The following ABCC2 variants were observed in gnomAD, a reference collection of about 807,000 sequenced individuals.
ABCC2 encodes ATP-binding cassette sub-family C member 2.
ABCC2 carries 157 observed loss-of-function variants against 173.4 expected under a neutral mutation model. The ratio of observed to expected loss-of-function variants is 0.91; its 90% confidence interval spans 0.80 to 1.03. The LOEUF (loss-of-function observed/expected upper bound fraction) is 1.03. Ranked by LOEUF, ABCC2 falls within the 50% of genes least tolerant of loss-of-function variation. The probability of loss-of-function intolerance (pLI) is 0.00; values close to 1 mark genes in which losing one functional copy is unlikely to be tolerated. For missense variants in ABCC2, 1,822 were observed against 1,852.3 expected, an observed-to-expected ratio of 0.98 and a Z score of 0.30; for synonymous variants, 657 against 693.5, an observed-to-expected ratio of 0.95 and a Z score of 0.83.
rs115807389 is a variant in ABCC2 at position 99,796,626 on chromosome 10, G to A, written c.633-471G>A. Among the ~76,000 whole-genome samples, 226 of 151,938 alleles carry A rather than the reference G, an allele frequency of 1.5e-3. 1 individual carries two copies. The highest frequency in any genetic ancestry group is 5.3e-3 in the African/African-American group (218 of 41,446). On this transcript the variant is annotated intron_variant, in intron 6 of 31. Transcript: ENST00000647814. Reference sequence around the variant, plus strand: ...TTTGAAGCCGGGAGATGGAGGTTGCGGTGAGCCAAGATTGCGCTACTGCAC... The same window carrying A: ...TTTGAAGCCGGGAGATGGAGGTTGCAGTGAGCCAAGATTGCGCTACTGCAC...
intron 4 of ABCC2, 50 bp downstream of exon 4, chr10:99,793,735 C>G (rs778901176): frequency 6.2e-7 from 1 of 1,611,944 alleles, no homozygotes; most frequent in Non-Finnish European, 8.5e-7. Flanking sequence ...GGGGCAACCT[C>G]TAACTCATAG....
chr10:99,796,695 CA>C (rs2037918376), intron 6 of ABCC2, among the ~76,000 whole-genome samples: 1 of 151,696 alleles, frequency 6.6e-6, no homozygotes, highest in Non-Finnish European at 1.5e-5. Context: ...AAAAAAAACA[CA>C]AAAAACAAAC....
intron 8 of ABCC2, 79 bp downstream of exon 8, chr10:99,799,449 A>G: frequency 6.6e-7 from 1 of 1,508,984 alleles, no homozygotes; most frequent in Non-Finnish European, 9.2e-7. Flanking sequence ...TGCAAGCAGG[A>G]GCTTTTCTTA....
chr10:99,818,671 A>G lies in ABCC2; in HGVS notation c.2272-119A>G, dbSNP rs1042296814. The G allele has an allele frequency of 3.9e-6, 4 of 1,020,220 alleles. No homozygotes were observed. The Admixed American group carries it at 9.3e-5, about 24-fold the overall frequency. 63.2% of individuals were successfully genotyped at this position (1,020,220 alleles called of 1,614,324 possible). On this transcript the variant is annotated intron_variant, in intron 17 of 31. Transcript: ENST00000647814. Reference sequence around the variant, plus strand: ...CTTTATTTGTATAAAGGAACTTGTAAGATTTTTAACCCCTTGACACCTTAT... The same window carrying G: ...CTTTATTTGTATAAAGGAACTTGTAGGATTTTTAACCCCTTGACACCTTAT...
At chr10:99,791,322 C>A (rs2037808678) in intron 2 of ABCC2, among the ~76,000 whole-genome samples, 1 of 152,140 alleles carries the variant, frequency 6.6e-6, no homozygotes, top group Non-Finnish European at 1.5e-5. Flanking sequence ...GCAGGAGAAT[C>A]ACTTGAACCC....
rs2038984221 is a variant in ABCC2 at position 99,844,233 on chromosome 10, T to TCTC, written c.3844-86_3844-84dup. ...TAGGTAGCTGGGACACTGCTACCCT[T>TCTC]CTCCTGTTCTATGACACGAGTCCTG... On this transcript the variant is annotated intron_variant, in intron 27 of 31. Transcript: ENST00000647814. 5 of 1,526,300 alleles carry TCTC rather than the reference T, an allele frequency of 3.3e-6. No individual in the cohort carries two copies. The Admixed American group carries it at 5.0e-5, about 15-fold the overall frequency. The allele number at this position is 1,526,300 out of a possible 1,614,324, so 94.5% of individuals were successfully genotyped here.
intron 7 of ABCC2, among the ~76,000 whole-genome samples, chr10:99,798,429 GC>G (rs1158191068): frequency 6.6e-6 from 1 of 152,102 alleles, no homozygotes; most frequent in Non-Finnish European, 1.5e-5. Flanking sequence ...GTTTCCTAGG[GC>G]TGCCATGATA....
chr10:99,793,859 G>C (rs372707938), intron 4 of ABCC2, 33 bp from the exon 5 acceptor site: 108 of 1,593,324 alleles, frequency 6.8e-5, no homozygotes, highest in Middle Eastern at 5.0e-4. Flanking sequence ...TGGACAAAAG[G>C]CTCATTTTTC....
chr10:99,845,321 C>G (rs2039001435), intron 28 of ABCC2, among the ~76,000 whole-genome samples: 1 of 152,184 alleles, frequency 6.6e-6, no homozygotes, highest in Non-Finnish European at 1.5e-5. Flanking sequence ...GCATGAGCCA[C>G]CACGCCTGGC....
intron 2 of ABCC2, among the ~76,000 whole-genome samples, chr10:99,786,079 C>A (rs889906216): frequency 2.0e-5 from 3 of 152,088 alleles, no homozygotes; most frequent in Admixed American, 2.0e-4. Flanking sequence ...ATCACAGGAC[C>A]TAGCATGTTT....
chr10:99,807,592 A>G, intron 12 of ABCC2, 71 bp downstream of exon 12: 1 of 1,604,140 alleles, frequency 6.2e-7, no homozygotes, highest in Non-Finnish European at 8.5e-7. Flanking sequence ...GAGGAAGTTC[A>G]CTTTTGATAG....
chr10:99,845,927 G>A (rs1175513977), intron 29 of ABCC2, 145 bp downstream of exon 29: 3 of 930,816 alleles, frequency 3.2e-6, no homozygotes, highest in East Asian at 5.3e-5. Context: ...TCCCTAGGAT[G>A]GACACGTCAT....
chr10:99,843,570 C>T (rs1445356669), intron 26 of ABCC2, among the ~76,000 whole-genome samples: 1 of 152,240 alleles, frequency 6.6e-6, no homozygotes, highest in Admixed American at 6.5e-5. Context: ...ACTAGACACT[C>T]ACATTGCCCT....
chr10:99,819,174 A>G lies in ABCC2; in HGVS notation c.2525A>G (p.Lys842Arg). 6.2e-7 allele frequency: 1 copy of G among 1,614,164 alleles called. No homozygotes were observed. The highest frequency in any genetic ancestry group is 8.5e-7 in the Non-Finnish European group (1 of 1,179,976). ...VVLGNGTIVE[K>R]GSYSALLAKK... ...CTGGGGAATGGAACAATTGTAGAGA[A>G]AGGATCCTACAGTGCTCTCCTGGCC... is the stretch of plus-strand genomic sequence containing the variant. The change falls in exon 19 of 32, where the codon AAA (lysine) becomes AGA (arginine). Residue 842 changes from lysine to arginine, a missense_variant. Lys to Arg is a conservative substitution (Grantham distance 26, BLOSUM62 2). Coordinates refer to ENST00000647814, the MANE Select transcript of ABCC2 (RefSeq NM_000392.5).
chr10:99,787,871 T>G (rs532555291), intron 2 of ABCC2, among the ~76,000 whole-genome samples: 1 of 152,188 alleles, frequency 6.6e-6, no homozygotes, highest in African/African-American at 2.4e-5. Flanking sequence ...GAGACCAGCC[T>G]GGCCAACTTG....
At position 99,830,780 on chromosome 10, in the gene ABCC2, A is replaced by G; in HGVS notation, c.2812A>G (p.Ser938Gly). 3.1e-6 allele frequency: 5 copies of G among 1,614,196 alleles called. No individual in the cohort carries two copies. The highest frequency in any genetic ancestry group is 4.2e-6 in the Non-Finnish European group (5 of 1,180,026). ...CTCCTTGAAAACTCGGAATGTGAAT[A>G]GCCTGAAGGAAGACGAAGAACTAGT... ...RNSLKTRNVNSLKEDEELVKG... is the reference protein window; with the variant it reads ...RNSLKTRNVNGLKEDEELVKG... The change falls in exon 21 of 32, where the codon AGC (serine) becomes GGC (glycine). Residue 938 changes from serine (S) to glycine (G), a missense_variant. Physicochemically the swap from Ser to Gly is moderately conservative, Grantham distance 56 (BLOSUM62 0). Transcript: ENST00000647814.
Position 99,834,511 on chromosome 10 carries a change from T to C in ABCC2, c.3390T>C (p.Leu1130=). 1 of 1,614,198 alleles carries C rather than the reference T, an allele frequency of 6.2e-7. No homozygotes were observed. ...TCTTCACCATCATCGTCATTCCTCTTGGCATTATTTATGTATCTGTTCAGG... is the reference window on the plus strand; with the variant it reads ...TCTTCACCATCATCGTCATTCCTCTCGGCATTATTTATGTATCTGTTCAGG... ...TPVFTIIVIP[L]GIIYVSVQMF... The change falls in exon 24 of 32, where the codon CTT becomes CTC. Residue 1130 remains leucine (L), a synonymous_variant. Transcript: ENST00000647814.
At chr10:99,813,231 G>A in intron 16 of ABCC2, 87 bp downstream of exon 16, 1 of 1,516,500 alleles carries the variant, frequency 6.6e-7, no homozygotes, top group South Asian at 1.2e-5. Context: ...AGGCACTGAG[G>A]GCTAGTAGGT....
At chr10:99,820,102 C>A (rs192009244) in intron 19 of ABCC2, among the ~76,000 whole-genome samples, 1 of 152,136 alleles carries the variant, frequency 6.6e-6, no homozygotes, top group Non-Finnish European at 1.5e-5. Context: ...TTAAAACCAC[C>A]CTGGGAGGGC....
Sources: allele counts gnomAD v4.1 joint callset (sites outside exome capture counted in the v4.1 genomes callset), GRCh38; gene constraint gnomAD v4.1.1; transcripts MANE v1.5; gene names NCBI Gene and HGNC (gene_info 2026-07-23, HGNC 2026-07-21).